The following NLRP9 variants were observed in gnomAD, a reference collection of about 807,000 sequenced individuals.
The protein encoded by NLRP9 is NLR family pyrin domain containing 9.
A neutral mutation model predicts 83.1 loss-of-function variants in NLRP9; 88 were observed. That is an observed-to-expected ratio of 1.06 (90% CI 0.89 to 1.26). NLRP9 has a LOEUF of 1.26. Ranked by LOEUF, NLRP9 falls within the 50% of genes most tolerant of loss-of-function variation. The pLI is 0.00. For missense variants in NLRP9, 1,308 were observed against 1,179.3 expected (o/e 1.11, Z -1.60); for synonymous variants, 521 against 447.6 (o/e 1.16, Z -2.07).
chr19:55,716,978 C>CAA, intron 4 of NLRP9, 80 bp from the exon 5 acceptor site: 1 of 1,115,668 alleles, frequency 9.0e-7, no homozygotes, highest in Non-Finnish European at 1.3e-6. Context: ...CAAACGACAC[C>CAA]TCTGATTCTA....
intron 1 of NLRP9, among the ~76,000 whole-genome samples, chr19:55,734,041 G>A (rs1391765540): frequency 6.7e-6 from 1 of 149,944 alleles, no homozygotes; most frequent in African/African-American, 2.5e-5. Flanking sequence ...TCCTGCCGCA[G>A]CCTCCCGAGT....
At chr19:55,719,629 T>C (rs1254358766) in intron 4 of NLRP9, among the ~76,000 whole-genome samples, 2 of 152,252 alleles carry the variant, frequency 1.3e-5, no homozygotes, top group African/African-American at 2.4e-5. Flanking sequence ...CTGTGCCGCA[T>C]AGAAAGCTCC....
intron 4 of NLRP9, among the ~76,000 whole-genome samples, chr19:55,721,392 C>T (rs534466233): frequency 6.6e-6 from 1 of 152,210 alleles, no homozygotes; most frequent in Admixed American, 6.5e-5. Context: ...GTGTGGTATC[C>T]ATAAAAATGT....
rs990557292 is a variant in NLRP9, at chr19:55,738,102, C to T, written c.273G>A (p.Glu91=). 4 of 1,614,140 alleles carry T rather than the reference C, an allele frequency of 2.5e-6. No homozygotes were observed. The highest frequency in any genetic ancestry group is 3.4e-6 in the Non-Finnish European group (4 of 1,179,990). ...RKDLWTKAQE[E]MRNKLNPYRK... is the part of the protein sequence containing the mutation. ...CCATCATCCAGCACTTACTTCTCAT[C>T]TCTTCCTGAGCCTTTGTCCAGAGAT... is the stretch of plus-strand genomic sequence containing the variant. Residue 91 remains glutamate, a synonymous_variant, in exon 1 of 9, where the codon GAG becomes GAA. Coordinates refer to ENST00000332836, the MANE Select transcript of NLRP9 (RefSeq NM_176820.4).
intron 4 of NLRP9, among the ~76,000 whole-genome samples, chr19:55,718,786 C>G (rs7250273): frequency 0.019 from 2,863 of 152,290 alleles, 91 homozygotes; most frequent in African/African-American, 0.063. Context: ...GCCCACTGTT[C>G]TTTCTCTATA....
At position 55,716,857 on chromosome 19, in the gene NLRP9, A is replaced by T; in HGVS notation, c.2201T>A (p.Ile734Asn). The change falls in exon 5 of 9, where the codon ATC (isoleucine) becomes AAC (asparagine). Residue 734 changes from isoleucine to asparagine, a missense_variant. Physicochemically the swap from Ile to Asn is moderately radical, Grantham distance 149. Transcript: ENST00000332836. ...CDISSEVCED[I>N]ASVLACNSKL... ...GCTGTTGCAGGCCAGGACGGAGGCG[A>T]TGTCTTCACAAACTTCACTGGAGAT... 6.2e-7 allele frequency: 1 copy of T among 1,613,860 alleles called. No homozygotes were observed. Among genetic ancestry groups the T allele is most frequent in the South Asian group, 1.1e-5 (1 of 91,076 alleles).
chr19:55,716,581 A>G lies in NLRP9; in HGVS notation c.2330+147T>C, dbSNP rs1568595403. 3.9e-5 allele frequency: 25 copies of G among 640,804 alleles called. No individual in the cohort carries two copies. In the South Asian group the frequency reaches 4.3e-4, roughly 11 times the overall value. 39.7% of individuals were successfully genotyped at this position (640,804 alleles called of 1,614,324 possible). A position where few individuals can be genotyped will look rare whatever the true frequency, so the allele number is the denominator to read the frequency against. On this transcript the variant is annotated intron_variant, in intron 5 of 8. Coordinates refer to ENST00000332836, the MANE Select transcript of NLRP9 (RefSeq NM_176820.4). ...GCCAGCTCCATTTTACTGATGAGCAACTGAGGCGTGGGAAAGGAACTCAGG... is the reference window on the plus strand; with the variant it reads ...GCCAGCTCCATTTTACTGATGAGCAGCTGAGGCGTGGGAAAGGAACTCAGG...
intron 2 of NLRP9, 72 bp downstream of exon 2, chr19:55,731,927 G>A: frequency 1.0e-6 from 1 of 977,746 alleles, no homozygotes; most frequent in Admixed American, 2.5e-5. Flanking sequence ...TAAGGCCCAT[G>A]AAATACCCAC....
In NLRP9 at chr19:55,733,022, G is replaced by A; in HGVS notation, c.809C>T (p.Ser270Phe). ...LLQKKMLPES[S>F]LLIALGKLAM... ...CAGTTTTCCTAATGCAATAAGGAGA[G>A]AGGATTCTGGAAGCATCTTTTTTTG... Residue 270 changes from serine (S) to phenylalanine (F), a missense_variant, in exon 2 of 9, where the codon TCT (serine) becomes TTT (phenylalanine). Physicochemically the swap from Ser to Phe is radical, Grantham distance 155. Transcript: ENST00000332836. The A allele has an allele frequency of 1.2e-6, 2 of 1,613,830 alleles. No individual in the cohort carries two copies. The highest frequency in any genetic ancestry group is 1.7e-6 in the Non-Finnish European group (2 of 1,179,964).
Position 55,708,906 on chromosome 19 carries a change from TC to T in NLRP9, c.*5del. 1 of 1,533,044 alleles carries T rather than the reference TC, an allele frequency of 6.5e-7. No homozygotes were observed. The highest frequency in any genetic ancestry group is 8.7e-7 in the Non-Finnish European group (1 of 1,148,472). The allele number at this position is 1,533,044 out of a possible 1,614,324, so 95.0% of individuals were successfully genotyped here. On this transcript the variant is annotated 3_prime_UTR_variant, in exon 9 of 9. Coordinates refer to ENST00000332836, the MANE Select transcript of NLRP9 (RefSeq NM_176820.4). ...TTGTGAGACGACTACTTCAGGGTGT[TC>T]CCCATCAGAGGAGCACACCCCTGAT...
chr19:55,712,061 G>A, intron 7 of NLRP9, 91 bp from the exon 8 acceptor site: 2 of 1,289,424 alleles, frequency 1.6e-6, no homozygotes, highest in South Asian at 1.3e-5. Flanking sequence ...ACACCTCCCG[G>A]CAGGACGCTC....
rs369537115 is a variant in NLRP9, at chr19:55,729,841, G to A, written c.1984C>T (p.Arg662Ter). 27 of 1,611,330 alleles carry A rather than the reference G, an allele frequency of 1.7e-5. No homozygotes were observed. Among genetic ancestry groups the A allele is most frequent in the African/African-American group, 4.0e-5 (3 of 74,788 alleles). ...TAACATAAAACTTACATGAGTTTTC[G>A]GAGTTTACAAACAGGCTGAGCCAGC... ...KALAQPVCKL[R>*]KLIFTSVYFG... The change falls in exon 3 of 9, where the codon CGA becomes TGA. Residue 662 changes from arginine (R) to a stop codon, truncating the protein, a stop_gained. Transcript: ENST00000332836. LOFTEE classifies it high-confidence loss of function.
At position 55,732,574 on chromosome 19, in the gene NLRP9, C is replaced by G. The variant is rs1386559038; in HGVS notation, c.1257G>C (p.Gly419=). 1.2e-6 allele frequency: 2 copies of G among 1,614,074 alleles called. No individual in the cohort carries two copies. Among genetic ancestry groups the G allele is most frequent in the Non-Finnish European group, 1.7e-6 (2 of 1,180,032 alleles). ...ACATCACGCCCTCAGACTCAGATAA[C>G]CCATTCCTCCGGAGATCCCCATGGG... The part of the protein sequence containing the change: ...VFSHGDLRRN[G]LSESEGVMWV... Residue 419 remains glycine, a synonymous_variant, in exon 2 of 9, where the codon GGG becomes GGC. Coordinates refer to ENST00000332836, the MANE Select transcript of NLRP9 (RefSeq NM_176820.4).
intron 8 of NLRP9, chr19:55,711,419 C>T: frequency 1.5e-6 from 2 of 1,294,536 alleles, no homozygotes; most frequent in Non-Finnish European, 2.0e-6. Context: ...AGACCTTAGC[C>T]CATTCCAGAA....
rs538634675 is a variant in NLRP9, at chr19:55,734,793, C to A, written c.281-1243G>T. Among the ~76,000 whole-genome samples the A allele has an allele frequency of 1.3e-4, 20 of 152,068 alleles. No homozygotes were observed. In the South Asian group the frequency reaches 3.7e-3, roughly 28 times the overall value. On this transcript the variant is annotated intron_variant, in intron 1 of 8. Transcript: ENST00000332836. ...GGGATTACAGGCACCTGCCACCACG[C>A]CCAGCTAATTTTTGTATTTTTCGTA...
At chr19:55,712,027 A>C in intron 7 of NLRP9, 57 bp from the exon 8 acceptor site, 1 of 1,549,698 alleles carries the variant, frequency 6.5e-7, no homozygotes, top group Non-Finnish European at 8.9e-7. Context: ...GCTGGAAGGC[A>C]CGCCATTGTT....
intron 8 of NLRP9, 135 bp downstream of exon 8, chr19:55,711,665 A>T: frequency 2.2e-6 from 2 of 916,616 alleles, no homozygotes; most frequent in Non-Finnish European, 3.4e-6. Flanking sequence ...TATAGTGTCA[A>T]CAGGGGCCCA....
chr19:55,727,369 C>T lies in NLRP9; in HGVS notation c.1994+2462G>A, dbSNP rs184784095. Among the ~76,000 whole-genome samples the T allele has an allele frequency of 9.2e-5, 14 of 152,326 alleles. No individual in the cohort carries two copies. In the South Asian group the frequency reaches 1.7e-3, roughly 18 times the overall value. ...GGAAGGACACGTGCATCTTAATTCA[C>T]GCCTTCACCCAGGTTTATCCAGATT... On this transcript the variant is annotated intron_variant, in intron 3 of 8. Transcript: ENST00000332836.
At chr19:55,717,253 G>A (rs994920072) in intron 4 of NLRP9, among the ~76,000 whole-genome samples, 1 of 151,988 alleles carries the variant, frequency 6.6e-6, no homozygotes, top group Admixed American at 6.6e-5. Flanking sequence ...GGCTGGTCTC[G>A]AACTCCTGAC....
Sources: gnomAD v4.1 joint callset for allele counts (sites outside exome capture counted in the v4.1 genomes callset) on GRCh38, gnomAD v4.1.1 for gene constraint, MANE v1.5 for transcripts, NCBI Gene and HGNC (gene_info 2026-07-23, HGNC 2026-07-21) for gene names.